MAML2: variants seen among roughly 807,000 people sequenced by gnomAD.
MAML2 encodes mastermind-like protein 2.
MAML2 carries 22 observed loss-of-function variants against 96.1 expected under a neutral mutation model. That is an observed-to-expected ratio of 0.23 (90% CI 0.16 to 0.33). MAML2 has a LOEUF of 0.33. Among genes scored for constraint, MAML2 ranks in the 10% least tolerant of loss-of-function variants. The probability of loss-of-function intolerance (pLI) is 1.00; values close to 1 mark genes in which losing one functional copy is unlikely to be tolerated. For missense variants in MAML2, 1,367 were observed against 1,392.4 expected, an observed-to-expected ratio of 0.98 and a Z score of 0.29; for synonymous variants, 561 against 521.3, an observed-to-expected ratio of 1.08 and a Z score of -1.04.
intron 1 of MAML2, among the ~76,000 whole-genome samples, chr11:96,195,501 A>G (rs1238594869): frequency 3.3e-5 from 5 of 152,216 alleles, no homozygotes; most frequent in Non-Finnish European, 7.3e-5. Flanking sequence ...CATCAGTTCA[A>G]AAACTCAGAA....
At chr11:96,214,655 G>A (rs1185582502) in intron 1 of MAML2, among the ~76,000 whole-genome samples, 1 of 152,160 alleles carries the variant, frequency 6.6e-6, no homozygotes, top group Non-Finnish European at 1.5e-5. Context: ...TTATAGTCAT[G>A]CGAAATACAC....
intron 3 of MAML2, among the ~76,000 whole-genome samples, chr11:95,986,439 A>G (rs1857830985): frequency 6.6e-6 from 1 of 151,750 alleles, no homozygotes; most frequent in Non-Finnish European, 1.5e-5. Flanking sequence ...TGACCTCATG[A>G]TCCACCCAGC....
intron 2 of MAML2, among the ~76,000 whole-genome samples, chr11:96,084,736 A>G (rs1565209095): frequency 2.0e-5 from 3 of 152,222 alleles, no homozygotes; most frequent in Non-Finnish European, 4.4e-5. Flanking sequence ...CACACAGTAG[A>G]GACGTGAGCC....
chr11:96,290,760 C>G (rs1863197283), intron 1 of MAML2, among the ~76,000 whole-genome samples: 1 of 152,216 alleles, frequency 6.6e-6, no homozygotes, highest in Non-Finnish European at 1.5e-5. Flanking sequence ...CTATCTTCAT[C>G]ATGATCCAAC....
intron 2 of MAML2, among the ~76,000 whole-genome samples, chr11:96,014,347 C>A (rs528098803): frequency 6.6e-6 from 1 of 152,146 alleles, no homozygotes. Flanking sequence ...GGGATCCTTG[C>A]GACAGGGATG....
chr11:96,193,661 C>T (rs1861689687), intron 1 of MAML2, among the ~76,000 whole-genome samples: 1 of 152,076 alleles, frequency 6.6e-6, no homozygotes, highest in Non-Finnish European at 1.5e-5. Context: ...AAATGAAGTG[C>T]TCTCCCGTGT....
rs550559319 is a variant in MAML2, at chr11:96,314,217, A to G, written c.513+27166T>C. Among the ~76,000 whole-genome samples, 4 of 152,358 alleles carry G rather than the reference A, an allele frequency of 2.6e-5. No homozygotes were observed. The East Asian group carries it at 7.7e-4, about 29-fold the overall frequency. ...GATGTGATTTAAAGACAGAAAACCA[A>G]TACCAAAACGGGACAAGAGTCACAG... On this transcript the variant is annotated intron_variant, in intron 1 of 4. Transcript: ENST00000524717.
chr11:96,055,648 C>T (rs1388434511), intron 2 of MAML2, among the ~76,000 whole-genome samples: 2 of 152,086 alleles, frequency 1.3e-5, no homozygotes, highest in Non-Finnish European at 2.9e-5. Flanking sequence ...GGGCCCCCAT[C>T]CTTTTGTGTC....
At chr11:96,309,942 G>A (rs2136003671) in intron 1 of MAML2, among the ~76,000 whole-genome samples, 1 of 152,132 alleles carries the variant, frequency 6.6e-6, no homozygotes, top group South Asian at 2.1e-4. Context: ...GACTCAAGCA[G>A]TCTACCAGCT....
At chr11:96,100,414 A>G (rs1349637419) in intron 1 of MAML2, among the ~76,000 whole-genome samples, 2 of 150,698 alleles carry the variant, frequency 1.3e-5, no homozygotes, top group South Asian at 2.1e-4. Flanking sequence ...GGTTCATGTG[A>G]TTCTCCTGCC....
chr11:96,007,390 AT>A (rs1858200368), intron 2 of MAML2, among the ~76,000 whole-genome samples: 1 of 152,218 alleles, frequency 6.6e-6, no homozygotes, highest in South Asian at 2.1e-4. Flanking sequence ...GACTCTTTAC[AT>A]TAATTCATCA....
intron 2 of MAML2, among the ~76,000 whole-genome samples, chr11:96,086,048 A>G (rs1859605650): frequency 6.6e-6 from 1 of 152,220 alleles, no homozygotes; most frequent in East Asian, 1.9e-4. Context: ...CTCACTTCTT[A>G]TATAGAATGG....
chr11:96,076,307 G>A (rs1859434007), intron 2 of MAML2, among the ~76,000 whole-genome samples: 1 of 152,152 alleles, frequency 6.6e-6, no homozygotes, highest in Non-Finnish European at 1.5e-5. Flanking sequence ...CAACCTTGGA[G>A]AGACACACCA....
chr11:96,159,407 C>CTTTTTT (rs760811590), intron 1 of MAML2, among the ~76,000 whole-genome samples: 1,419 of 91,044 alleles, frequency 0.016, 269 homozygotes, highest in African/African-American at 0.059. Flanking sequence ...ACCACTGATT[C>CTTTTTT]TTTTTTTTTT....
chr11:96,333,957 A>C (rs1189133524), intron 1 of MAML2, among the ~76,000 whole-genome samples: 2 of 152,148 alleles, frequency 1.3e-5, no homozygotes, highest in African/African-American at 4.8e-5. Flanking sequence ...CTGAATGGAA[A>C]CCCAGACTGA....
chr11:96,204,519 C>T (rs1861869771), intron 1 of MAML2, among the ~76,000 whole-genome samples: 1 of 152,166 alleles, frequency 6.6e-6, no homozygotes, highest in Non-Finnish European at 1.5e-5. Flanking sequence ...GACACACAGC[C>T]TTTACCAGTA....
chr11:96,184,155 G>T (rs11021466), intron 1 of MAML2, among the ~76,000 whole-genome samples: 5 of 152,014 alleles, frequency 3.3e-5, no homozygotes, highest in African/African-American at 1.2e-4. Context: ...AGAAAAAAAC[G>T]CATAAAGCTG....
chr11:96,135,854 C>T (rs1591033028), intron 1 of MAML2, among the ~76,000 whole-genome samples: 1 of 88,026 alleles, frequency 1.1e-5, no homozygotes, highest in East Asian at 4.8e-4. Context: ...CAGAGTGAGA[C>T]ACCATCTCAA....
chr11:96,252,892 CT>C (rs1862605318), intron 1 of MAML2, among the ~76,000 whole-genome samples: 1 of 152,186 alleles, frequency 6.6e-6, no homozygotes, highest in Non-Finnish European at 1.5e-5. Flanking sequence ...TGACGAAGAA[CT>C]GCATAAAGTC....
Sources: allele counts gnomAD v4.1 joint callset (sites outside exome capture counted in the v4.1 genomes callset), GRCh38; gene constraint gnomAD v4.1.1; transcripts MANE v1.5; gene names NCBI Gene and HGNC (gene_info 2026-07-23, HGNC 2026-07-21).